EXOC4: variants seen among roughly 807,000 people sequenced by gnomAD.
EXOC4 encodes exocyst complex component 4.
A neutral mutation model predicts 107.2 loss-of-function variants in EXOC4; 71 were observed. That is an observed-to-expected ratio of 0.66 (90% CI 0.55 to 0.81). The LOEUF is 0.81. Among genes scored for constraint, EXOC4 ranks in the 30% least tolerant of loss-of-function variants. The pLI is 0.00. For synonymous variants in EXOC4, 456 were observed against 441.2 expected (o/e 1.03, Z -0.42); for missense variants, 1,108 against 1,189.6 (o/e 0.93, Z 1.01).
At chr7:133,460,700 C>A (rs896025665) in intron 7 of EXOC4, among the ~76,000 whole-genome samples, 5 of 152,148 alleles carry the variant, frequency 3.3e-5, no homozygotes, top group African/African-American at 1.2e-4. Context: ...CCCACCCACA[C>A]ACACACCATC....
intron 9 of EXOC4, among the ~76,000 whole-genome samples, chr7:133,528,966 T>C (rs1367572391): frequency 6.6e-6 from 1 of 152,152 alleles, no homozygotes; most frequent in Non-Finnish European, 1.5e-5. Context: ...GTGAACTCTG[T>C]CATTGTTCTC....
chr7:133,642,469 A>C (rs931170657), intron 10 of EXOC4, among the ~76,000 whole-genome samples: 1 of 152,172 alleles, frequency 6.6e-6, no homozygotes, highest in African/African-American at 2.4e-5. Flanking sequence ...AAAATCTTGA[A>C]GTTCTACTTA....
intron 13 of EXOC4, 27 bp downstream of exon 13, chr7:133,917,765 C>T: frequency 6.2e-7 from 1 of 1,606,806 alleles, no homozygotes; most frequent in Non-Finnish European, 8.5e-7. Flanking sequence ...CTAAGTTGTC[C>T]TAAACATAGG....
intron 13 of EXOC4, among the ~76,000 whole-genome samples, chr7:133,932,933 AGG>A (rs1299188877): frequency 3.0e-5 from 4 of 133,648 alleles, no homozygotes; most frequent in African/African-American, 1.2e-4. Context: ...AGAGAGAGAG[AGG>A]GAGAGAAAAT....
At chr7:134,034,391 A>G (rs1268975404) in intron 17 of EXOC4, among the ~76,000 whole-genome samples, 1 of 152,250 alleles carries the variant, frequency 6.6e-6, no homozygotes, top group Non-Finnish European at 1.5e-5. Context: ...AGGCTGTGAT[A>G]TAGTTAGGCT....
intron 7 of EXOC4, among the ~76,000 whole-genome samples, chr7:133,428,257 A>G (rs1797772873): frequency 6.6e-6 from 1 of 152,204 alleles, no homozygotes; most frequent in Admixed American, 6.5e-5. Flanking sequence ...AGTCGAATGT[A>G]AATTTCTCAG....
intron 10 of EXOC4, among the ~76,000 whole-genome samples, chr7:133,637,019 G>A (rs1307724786): frequency 6.6e-6 from 1 of 152,176 alleles, no homozygotes; most frequent in Non-Finnish European, 1.5e-5. Context: ...TATTGCAGCA[G>A]TACAGGGTAC....
intron 17 of EXOC4, among the ~76,000 whole-genome samples, chr7:134,046,607 A>AAGT (rs1795659515): frequency 6.6e-6 from 1 of 150,722 alleles, no homozygotes; most frequent in South Asian, 2.1e-4. Context: ...TACAGGTAGT[A>AAGT]AGTACGTGGT....
At chr7:133,956,312 G>A (rs986956143) in intron 14 of EXOC4, among the ~76,000 whole-genome samples, 21 of 152,042 alleles carry the variant, frequency 1.4e-4, no homozygotes, top group African/African-American at 4.3e-4. Flanking sequence ...AGATAGAGGC[G>A]GCTCAAATAG....
At chr7:133,855,352 A>G (rs1310132855) in intron 11 of EXOC4, among the ~76,000 whole-genome samples, 1 of 151,334 alleles carries the variant, frequency 6.6e-6, no homozygotes, top group African/African-American at 2.4e-5. Flanking sequence ...GTACCTCTAT[A>G]TTACAGCAGG....
intron 14 of EXOC4, among the ~76,000 whole-genome samples, chr7:133,992,082 T>C (rs1794274667): frequency 6.6e-6 from 1 of 152,212 alleles, no homozygotes; most frequent in South Asian, 2.1e-4. Flanking sequence ...ATTATTTCAA[T>C]CCAGGAGTGT....
At chr7:133,674,531 C>T (rs1794014792) in intron 10 of EXOC4, among the ~76,000 whole-genome samples, 1 of 151,992 alleles carries the variant, frequency 6.6e-6, no homozygotes, top group East Asian at 1.9e-4. Context: ...ACTTATATGC[C>T]AATAATGTGC....
chr7:133,340,312 T>G lies in EXOC4; in HGVS notation c.764-16018T>G, dbSNP rs114617528. ...ATTCTGTTCATGTGGTGTATCACAT[T>G]TATTGTCTTTTGGATGTTAAACTAT... On this transcript the variant is annotated intron_variant, in intron 5 of 17. Transcript: ENST00000253861. Among the ~76,000 whole-genome samples, 960 of 152,332 alleles carry G rather than the reference T, an allele frequency of 6.3e-3. 7 individuals carry two copies. The highest frequency in any genetic ancestry group is 0.022 in the African/African-American group (914 of 41,588).
intron 12 of EXOC4, among the ~76,000 whole-genome samples, chr7:133,896,156 TAGCATTCCTACTGTCACAAAAGAAC>T (rs1258307469): frequency 2.0e-5 from 3 of 152,224 alleles, no homozygotes; most frequent in Non-Finnish European, 2.9e-5. Context: ...ATTTAATTTG[TAGCATTCCTACTGTCACAAAAGAAC>T]AGTTACCCCT....
At chr7:134,087,613 G>C in the EXOC4 span, among the ~76,000 whole-genome samples, 1 of 152,138 alleles carries the variant, frequency 6.6e-6, no homozygotes. Context: ...ATTTCAATAT[G>C]TGCCCAGAAT....
At chr7:133,817,191 A>G (rs1797392475) in intron 10 of EXOC4, 134 bp from the exon 11 acceptor site, 5 of 597,076 alleles carry the variant, frequency 8.4e-6, no homozygotes, top group East Asian at 8.3e-5. Flanking sequence ...TAAAAATTAT[A>G]TAGAGATGAG....
At chr7:133,388,081 T>A (rs1796768774) in intron 7 of EXOC4, among the ~76,000 whole-genome samples, 1 of 152,180 alleles carries the variant, frequency 6.6e-6, no homozygotes, top group Non-Finnish European at 1.5e-5. Flanking sequence ...GCTTGGACTT[T>A]GCCTTTTAAG....
chr7:133,898,481 C>T (rs1178876233), intron 12 of EXOC4, among the ~76,000 whole-genome samples: 1 of 152,024 alleles, frequency 6.6e-6, no homozygotes, highest in African/African-American at 2.4e-5. Flanking sequence ...TGCAGTGGCT[C>T]ACGCCTGTAA....
intron 10 of EXOC4, among the ~76,000 whole-genome samples, chr7:133,723,889 G>A (rs1795160025): frequency 6.6e-6 from 1 of 151,972 alleles, no homozygotes; most frequent in Admixed American, 6.6e-5. Flanking sequence ...TGCCTCCTGA[G>A]TAGTTGAGAT....
Sources: allele counts gnomAD v4.1 joint callset (sites outside exome capture counted in the v4.1 genomes callset), GRCh38; gene constraint gnomAD v4.1.1; transcripts MANE v1.5; gene names NCBI Gene and HGNC (gene_info 2026-07-23, HGNC 2026-07-21).